RIMS2: variants seen among roughly 807,000 people sequenced by gnomAD.
RIMS2 encodes the protein regulating synaptic membrane exocytosis protein 2.
Under a neutral mutation model 174.4 loss-of-function variants are expected in RIMS2, and 59 were observed. The ratio of observed to expected loss-of-function variants is 0.34; its 90% confidence interval spans 0.27 to 0.42. The LOEUF (loss-of-function observed/expected upper bound fraction) is 0.42, where lower values mean the gene tolerates loss of function less well. RIMS2 is among the 10% of genes least tolerant of loss of function. The pLI is 1.00. For missense variants in RIMS2, 1,620 were observed against 1,666.3 expected (o/e 0.97, Z 0.48); for synonymous variants, 606 against 572.5 (o/e 1.06, Z -0.84).
At chr8:104,019,160 T>A (rs948227988) in intron 19 of RIMS2, among the ~76,000 whole-genome samples, 3 of 152,126 alleles carry the variant, frequency 2.0e-5, no homozygotes, top group African/African-American at 7.2e-5. Context: ...ATCACATCAC[T>A]ACACTCCAGC....
At chr8:103,754,364 T>C (rs532104396) in intron 2 of RIMS2, among the ~76,000 whole-genome samples, 1 of 152,330 alleles carries the variant, frequency 6.6e-6, no homozygotes, top group African/African-American at 2.4e-5. Context: ...TGGTCAGTTT[T>C]AGAATAAGTG....
chr8:103,718,921 A>G (rs1213267785), intron 2 of RIMS2, among the ~76,000 whole-genome samples: 1 of 152,130 alleles, frequency 6.6e-6, no homozygotes, highest in Non-Finnish European at 1.5e-5. Context: ...AAGTGCTGGG[A>G]TTACAGGCAT....
chr8:103,607,499 G>GC (rs1370153369), intron 1 of RIMS2, among the ~76,000 whole-genome samples: 1 of 151,112 alleles, frequency 6.6e-6, no homozygotes, highest in Non-Finnish European at 1.5e-5. Flanking sequence ...TCTTCTTGAG[G>GC]AGTATCTTTG....
At chr8:103,565,266 T>C (rs1401535203) in intron 1 of RIMS2, among the ~76,000 whole-genome samples, 2 of 151,992 alleles carry the variant, frequency 1.3e-5, no homozygotes, top group Non-Finnish European at 2.9e-5. Context: ...TGTACTAAAG[T>C]TAAGGAGGGA....
At chr8:103,852,035 C>T (rs972435033) in intron 3 of RIMS2, among the ~76,000 whole-genome samples, 1 of 151,976 alleles carries the variant, frequency 6.6e-6, no homozygotes, top group Non-Finnish European at 1.5e-5. Context: ...CCGTATTCTT[C>T]TCCCTTACTC....
chr8:103,856,052 A>G (rs1045536830), intron 3 of RIMS2, among the ~76,000 whole-genome samples: 1 of 152,114 alleles, frequency 6.6e-6, no homozygotes, highest in Non-Finnish European at 1.5e-5. Context: ...ATTGAATCAG[A>G]TGTTGCATGC....
chr8:103,953,736 A>G (rs2086191633), intron 14 of RIMS2, among the ~76,000 whole-genome samples: 1 of 152,210 alleles, frequency 6.6e-6, no homozygotes, highest in Non-Finnish European at 1.5e-5. Flanking sequence ...GGCAGGATCA[A>G]ATTCACACAT....
At chr8:104,214,341 A>T (rs1207411171) in intron 19 of RIMS2, among the ~76,000 whole-genome samples, 1 of 152,232 alleles carries the variant, frequency 6.6e-6, no homozygotes, top group Non-Finnish European at 1.5e-5. Flanking sequence ...GAAGCAAATT[A>T]TATGGAACCA....
chr8:103,690,701 A>G (rs2097011729), intron 1 of RIMS2, among the ~76,000 whole-genome samples: 2 of 152,192 alleles, frequency 1.3e-5, no homozygotes, highest in South Asian at 2.1e-4. Context: ...TGATGCATTC[A>G]TCTTTTAATC....
At chr8:103,603,334 G>A (rs1190703654) in intron 1 of RIMS2, among the ~76,000 whole-genome samples, 1 of 151,632 alleles carries the variant, frequency 6.6e-6, no homozygotes, top group African/African-American at 2.4e-5. Flanking sequence ...AACTCATCAT[G>A]TTTTATGGCT....
chr8:103,523,490 A>G (rs1358620834), intron 1 of RIMS2, among the ~76,000 whole-genome samples: 7 of 152,252 alleles, frequency 4.6e-5, no homozygotes, highest in African/African-American at 1.4e-4. Context: ...AGGAAAGTAG[A>G]TAAGTTGAAA....
chr8:103,567,756 G>T (rs1409350191), intron 1 of RIMS2, among the ~76,000 whole-genome samples: 1 of 152,154 alleles, frequency 6.6e-6, no homozygotes, highest in Non-Finnish European at 1.5e-5. Context: ...CCAAAGGGTT[G>T]CACTATTTTA....
At chr8:103,678,363 C>G (rs760826329) in intron 1 of RIMS2, among the ~76,000 whole-genome samples, 18 of 152,176 alleles carry the variant, frequency 1.2e-4, no homozygotes, top group Non-Finnish European at 2.2e-4. Flanking sequence ...AAGCAATTCT[C>G]ATGACTTTTC....
intron 1 of RIMS2, among the ~76,000 whole-genome samples, chr8:103,580,511 A>G (rs1220540841): frequency 6.6e-6 from 1 of 152,034 alleles, no homozygotes; most frequent in Non-Finnish European, 1.5e-5. Flanking sequence ...TGACATAACA[A>G]TTATGAATTT....
chr8:104,151,343 C>T (rs1287576369), intron 19 of RIMS2, among the ~76,000 whole-genome samples: 1 of 152,080 alleles, frequency 6.6e-6, no homozygotes, highest in Non-Finnish European at 1.5e-5. Context: ...CCAAGGCAGG[C>T]AGATCACTTG....
intron 1 of RIMS2, among the ~76,000 whole-genome samples, chr8:103,626,282 G>T (rs942717053): frequency 2.0e-5 from 3 of 152,106 alleles, no homozygotes; most frequent in Non-Finnish European, 4.4e-5. Context: ...TGGTTACAAA[G>T]CTGTCAACCT....
intron 17 of RIMS2, among the ~76,000 whole-genome samples, chr8:104,004,994 C>T (rs2095521957): frequency 6.6e-6 from 1 of 151,982 alleles, no homozygotes; most frequent in African/African-American, 2.4e-5. Flanking sequence ...GTCATAGAGT[C>T]CAGGGTGGAT....
At chr8:104,243,885 T>C (rs1409973064) in intron 19 of RIMS2, among the ~76,000 whole-genome samples, 3 of 152,214 alleles carry the variant, frequency 2.0e-5, no homozygotes, top group Admixed American at 2.0e-4. Flanking sequence ...ATAGCTTTTG[T>C]AATTTGGGCT....
chr8:103,699,691 CTT>C (rs1287147567), intron 2 of RIMS2, among the ~76,000 whole-genome samples: 1 of 151,670 alleles, frequency 6.6e-6, no homozygotes, highest in African/African-American at 2.4e-5. Flanking sequence ...TGCCTTGAAA[CTT>C]TTCTTCTTTT....
Sources: allele counts gnomAD v4.1 joint callset (sites outside exome capture counted in the v4.1 genomes callset), GRCh38; gene constraint gnomAD v4.1.1; transcripts MANE v1.5; gene names NCBI Gene and HGNC (gene_info 2026-07-23, HGNC 2026-07-21).